MGAT3: variants seen among roughly 807,000 people sequenced by gnomAD.
MGAT3 encodes the protein GlcNAc-T III.
A neutral mutation model predicts 29.8 loss-of-function variants in MGAT3; 9 were observed. The ratio of observed to expected loss-of-function variants is 0.30; its 90% CI spans 0.18 to 0.53. The LOEUF (loss-of-function observed/expected upper bound fraction) is 0.53. MGAT3 is among the 20% of genes least tolerant of loss of function. The pLI, the probability that MGAT3 is intolerant of heterozygous loss-of-function variation, is 0.96. For synonymous variants in MGAT3, 397 were observed against 348.9 expected, an observed-to-expected ratio of 1.14 and a Z score of -1.54; for missense variants, 557 against 769.5, an observed-to-expected ratio of 0.72 and a Z score of 3.27.
At chr22:39,475,077 T>C (rs1401616141) in intron 1 of MGAT3, among the ~76,000 whole-genome samples, 3 of 148,084 alleles carry the variant, frequency 2.0e-5, no homozygotes, top group African/African-American at 7.6e-5. Context: ...AGGGCCTCCA[T>C]CTCCCTGCTG....
Position 39,491,732 on chromosome 22 carries a change from G to A in MGAT3, c.*2783G>A. ...ACAGCATACACTGGGAATTTGGTGG[G>A]GGCAGAAGAACCCAGGGCCACTCCC... On this transcript the variant is annotated 3_prime_UTR_variant, in exon 2 of 2. Coordinates refer to ENST00000341184, the MANE Select transcript of MGAT3 (RefSeq NM_002409.5). This position sits in a 1 kb window ranked among gnomAD's most constrained non-coding sequence, Gnocchi z 5.5. The A allele has an allele frequency of 6.0e-6, 1 of 167,174 alleles. No homozygotes were observed. The highest frequency in any genetic ancestry group is 1.9e-4 in the East Asian group (1 of 5,246). 10.4% of individuals were successfully genotyped at this position (167,174 alleles called of 1,614,324 possible).
intron 1 of MGAT3, among the ~76,000 whole-genome samples, chr22:39,484,901 G>T (rs1003243001): frequency 6.6e-6 from 1 of 152,120 alleles, no homozygotes; most frequent in Admixed American, 6.5e-5. Context: ...TACTTGGGAG[G>T]CTGAGGCAAG....
At chr22:39,459,125 G>A (rs937359278) in intron 1 of MGAT3, among the ~76,000 whole-genome samples, 1 of 150,788 alleles carries the variant, frequency 6.6e-6, no homozygotes, top group African/African-American at 2.4e-5. Flanking sequence ...CCAGGCTGGA[G>A]TGCAGTGGTG....
intron 1 of MGAT3, among the ~76,000 whole-genome samples, chr22:39,474,940 C>T (rs1253960438): frequency 1.3e-5 from 2 of 152,162 alleles, no homozygotes; most frequent in Non-Finnish European, 2.9e-5. Flanking sequence ...GATAAGGTCC[C>T]TCTCTGCCTG....
At position 39,487,987 on chromosome 22, in the gene MGAT3, G is replaced by A. The variant is rs774059231; in HGVS notation, c.640G>A (p.Val214Ile). ...GCGCCGCGTCATCAACGCCATCAAC[G>A]TCAACCACGAGTTCGACCTGCTGGA... is the stretch of plus-strand genomic sequence containing the variant. Reference protein sequence around the residue: ...VPRRVINAINVNHEFDLLDVR... With the variant: ...VPRRVINAININHEFDLLDVR... The change falls in exon 2 of 2, where the codon GTC (valine) becomes ATC (isoleucine). Residue 214 changes from valine to isoleucine, a missense_variant. By Grantham distance (29) the Val-to-Ile change is conservative. Coordinates refer to ENST00000341184, the MANE Select transcript of MGAT3 (RefSeq NM_002409.5). This position sits in a 1 kb window ranked among gnomAD's most constrained non-coding sequence, Gnocchi z 5.7. 6.2e-6 allele frequency: 10 copies of A among 1,612,914 alleles called. No homozygotes were observed. The highest frequency in any genetic ancestry group is 3.3e-5 in the Admixed American group (2 of 60,000).
intron 1 of MGAT3, among the ~76,000 whole-genome samples, chr22:39,483,155 G>T (rs1264098532): frequency 5.9e-5 from 9 of 152,218 alleles, no homozygotes; most frequent in Non-Finnish European, 1.5e-5. Context: ...CACCAGTTGT[G>T]TAACTTAGAG....
intron 1 of MGAT3, among the ~76,000 whole-genome samples, chr22:39,467,742 G>T (rs8135274): frequency 7.1e-6 from 1 of 140,644 alleles, no homozygotes; most frequent in Non-Finnish European, 1.5e-5. Context: ...GTTTCGTTTC[G>T]TTTCTTTCAG....
intron 1 of MGAT3, among the ~76,000 whole-genome samples, chr22:39,478,408 G>C (rs1034389937): frequency 1.3e-5 from 2 of 152,212 alleles, no homozygotes; most frequent in Non-Finnish European, 2.9e-5. Context: ...CCCAGTGGCT[G>C]TCCCCCAGCT....
In MGAT3 at chr22:39,485,233, G is replaced by A. The variant is rs371586073; in HGVS notation, c.-1-2114G>A. On this transcript the variant is annotated intron_variant, in intron 1 of 1. Transcript: ENST00000341184. ...TCAAATGGATGTAAACTCCTGGCTC[G>A]CCTGCCCACCTGCCTAGACTCAAGG... Among the ~76,000 whole-genome samples, 10 of 152,262 alleles carry A rather than the reference G, an allele frequency of 6.6e-5. No homozygotes were observed. The East Asian group carries it at 7.7e-4, about 12-fold the overall frequency.
intron 1 of MGAT3, among the ~76,000 whole-genome samples, chr22:39,465,271 G>C (rs930432121): frequency 2.6e-5 from 4 of 152,162 alleles, no homozygotes; most frequent in African/African-American, 9.7e-5. Flanking sequence ...TCAGCTCTCT[G>C]AGGCACTCTG....
At chr22:39,474,692 T>C (rs1928902415) in intron 1 of MGAT3, among the ~76,000 whole-genome samples, 1 of 152,242 alleles carries the variant, frequency 6.6e-6, no homozygotes, top group Non-Finnish European at 1.5e-5. Flanking sequence ...GCCCTGTGCC[T>C]GAAATGCCAC....
chr22:39,465,918 T>G (rs1256766180), intron 1 of MGAT3, among the ~76,000 whole-genome samples: 5 of 137,206 alleles, frequency 3.6e-5, no homozygotes, highest in South Asian at 2.3e-4. Context: ...GGTGACAGAG[T>G]GAGACTCCGT....
In MGAT3 at chr22:39,487,796, G is replaced by A. The variant is rs764802791; in HGVS notation, c.449G>A (p.Arg150Gln). The A allele has an allele frequency of 3.3e-6, 5 of 1,495,092 alleles. No individual in the cohort carries two copies. The highest frequency in any genetic ancestry group is 1.3e-5 in the South Asian group (1 of 74,634). 92.6% of individuals were successfully genotyped at this position (1,495,092 alleles called of 1,614,324 possible). A position where few individuals can be genotyped will look rare whatever the true frequency, so the allele number is the denominator to read the frequency against. The stretch of plus-strand genomic sequence containing the variant: ...GGCTCCTCGGCCCGGCGGCCACCCC[G>A]GTACCTCCTGAGCGCCCGGGAGCGC... ...ANGSSARRPP[R>Q]YLLSARERTG... Residue 150 changes from arginine (R) to glutamine (Q), a missense_variant, in exon 2 of 2, where the codon CGG (arginine) becomes CAG (glutamine). Around this residue, in one of 3 missense-constraint regions of MGAT3, gnomAD observed 212 missense variants for 228.5 expected, o/e 0.93. Transcript: ENST00000341184. The surrounding 1 kb of genome is among the most constrained non-coding windows in gnomAD (Gnocchi z 5.7).
At chr22:39,470,101 AGT>A (rs1372079047) in intron 1 of MGAT3, among the ~76,000 whole-genome samples, 1 of 152,224 alleles carries the variant, frequency 6.6e-6, no homozygotes, top group Admixed American at 6.5e-5. Flanking sequence ...GGTGGGGAAC[AGT>A]GGCGACCGAG....
rs1435359185 is a variant in MGAT3, at chr22:39,457,782, G to A, written c.-2+225G>A. 6.6e-6 allele frequency among the ~76,000 whole-genome samples: 1 copy of A among 150,932 alleles called. No individual in the cohort carries two copies. Among genetic ancestry groups the A allele is most frequent in the Non-Finnish European group, 1.5e-5 (1 of 67,486 alleles). ...CGCGGGCCCCCTCCCCCTACCCGCCGCTCCTCCGAGCTCCCCGGTCCCCGG... is the reference window on the plus strand; with the variant it reads ...CGCGGGCCCCCTCCCCCTACCCGCCACTCCTCCGAGCTCCCCGGTCCCCGG... On this transcript the variant is annotated intron_variant, in intron 1 of 1. Coordinates refer to ENST00000341184, the MANE Select transcript of MGAT3 (RefSeq NM_002409.5). The surrounding 1 kb of genome is among the most constrained non-coding windows in gnomAD (Gnocchi z 6.8).
intron 1 of MGAT3, among the ~76,000 whole-genome samples, chr22:39,460,788 C>G (rs1274107718): frequency 6.6e-6 from 1 of 152,124 alleles, no homozygotes; most frequent in Non-Finnish European, 1.5e-5. Context: ...CAGAGTGAGA[C>G]TCCATCTCAA....
Position 39,488,782 on chromosome 22 carries a change from G to A in MGAT3, c.1435G>A (p.Glu479Lys), listed in dbSNP as rs1168396797. 1 of 1,611,500 alleles carries A rather than the reference G, an allele frequency of 6.2e-7. No homozygotes were observed. ...GGAGTACCCGCCTGCAGACCCCAGC[G>A]AGCACATGTATGCGCCCAAGTACCT... is the stretch of plus-strand genomic sequence containing the variant. ...QQEYPPADPS[E>K]HMYAPKYLLK... The change falls in exon 2 of 2, where the codon GAG becomes AAG. Residue 479 changes from glutamate (E) to lysine (K), a missense_variant. By Grantham distance (56) the Glu-to-Lys change is moderately conservative (BLOSUM62 1). Around this residue, in one of 3 missense-constraint regions of MGAT3, gnomAD observed 102 missense variants for 97.0 expected, o/e 1.05. Transcript: ENST00000341184.
intron 1 of MGAT3, among the ~76,000 whole-genome samples, chr22:39,478,103 G>T (rs1209791974): frequency 1.3e-5 from 2 of 152,242 alleles, no homozygotes; most frequent in Non-Finnish European, 2.9e-5. Flanking sequence ...GTCACATGGG[G>T]CAGGACCAGG....
At chr22:39,462,961 G>A (rs1928537567) in intron 1 of MGAT3, among the ~76,000 whole-genome samples, 1 of 152,196 alleles carries the variant, frequency 6.6e-6, no homozygotes, top group African/African-American at 2.4e-5. Flanking sequence ...GGACCTCAGA[G>A]CCTGCTCTCC....
Sources: allele counts gnomAD v4.1 joint callset (sites outside exome capture counted in the v4.1 genomes callset), GRCh38; gene constraint gnomAD v4.1.1; regional missense constraint gnomAD v4.1.1; non-coding constraint Gnocchi (gnomAD v3.1); transcripts MANE v1.5; gene names NCBI Gene and HGNC (gene_info 2026-07-23, HGNC 2026-07-21).